LRRC4C: variants seen among roughly 807,000 people sequenced by gnomAD.
LRRC4C encodes the protein leucine-rich repeat-containing protein 4C.
Under a neutral mutation model 33.6 loss-of-function variants are expected in LRRC4C, and 5 were observed. The ratio of observed to expected loss-of-function variants is 0.15; its 90% CI spans 0.08 to 0.31. LRRC4C has a LOEUF of 0.31. Among genes scored for constraint, LRRC4C ranks in the 10% least tolerant of loss-of-function variants. The pLI is 1.00. For synonymous variants in LRRC4C, 329 were observed against 302.0 expected, an observed-to-expected ratio of 1.09 and a Z score of -0.93; for missense variants, 560 against 796.7, an observed-to-expected ratio of 0.70 and a Z score of 3.58.
chr11:41,361,929 A>G (rs1952369048), intron 1 of LRRC4C, among the ~76,000 whole-genome samples: 1 of 152,214 alleles, frequency 6.6e-6, no homozygotes, highest in African/African-American at 2.4e-5. Context: ...GCTTTCATTG[A>G]CAATTCATTC....
chr11:40,418,348 CAT>C (rs1229385436), intron 3 of LRRC4C, among the ~76,000 whole-genome samples: 2 of 151,990 alleles, frequency 1.3e-5, no homozygotes, highest in Admixed American at 6.6e-5. Context: ...ACCCAACAAA[CAT>C]ATGAAAAAAA....
intron 1 of LRRC4C, among the ~76,000 whole-genome samples, chr11:41,247,497 T>C (rs899330403): frequency 2.6e-5 from 4 of 152,218 alleles, no homozygotes; most frequent in Non-Finnish European, 5.9e-5. Flanking sequence ...TAAGCAATGA[T>C]GTCTTTTTAC....
chr11:40,311,419 ATGAG>A (rs1179279130), intron 4 of LRRC4C, among the ~76,000 whole-genome samples: 5 of 152,206 alleles, frequency 3.3e-5, no homozygotes, highest in African/African-American at 1.2e-4. Flanking sequence ...CGTGTACTTA[ATGAG>A]TGAGTGCTCA....
intron 2 of LRRC4C, among the ~76,000 whole-genome samples, chr11:40,680,640 A>T (rs1343682619): frequency 6.6e-6 from 1 of 152,148 alleles, no homozygotes; most frequent in Non-Finnish European, 1.5e-5. Context: ...TGCCATTCAC[A>T]TAAGGTATGA....
At position 40,156,613 on chromosome 11, in the gene LRRC4C, CACAAAAA is replaced by C. The variant is rs1270683669; in HGVS notation, c.-95-15767_-95-15761del. Among the ~76,000 whole-genome samples, 4 of 150,876 alleles carry C rather than the reference CACAAAAA, an allele frequency of 2.7e-5. No homozygotes were observed. The South Asian group carries it at 6.3e-4, about 24-fold the overall frequency. On this transcript the variant is annotated intron_variant, in intron 5 of 6. Transcript: ENST00000528697. ...TCTTTTACAATGGCTGCAAAAAAACCACAAAAAACAAAAAACAGAAACAAAAACAAAA... is the reference window on the plus strand; with the variant it reads ...TCTTTTACAATGGCTGCAAAAAAACCACAAAAAACAGAAACAAAAACAAAA...
chr11:41,320,789 C>T (rs1950934654), intron 1 of LRRC4C, among the ~76,000 whole-genome samples: 1 of 152,134 alleles, frequency 6.6e-6, no homozygotes, highest in African/African-American at 2.4e-5. Flanking sequence ...CAGGAGCTCA[C>T]ACTCATAGTG....
At chr11:40,475,594 TATAATA>T (rs907284840) in intron 3 of LRRC4C, among the ~76,000 whole-genome samples, 1 of 151,928 alleles carries the variant, frequency 6.6e-6, no homozygotes, top group East Asian at 1.9e-4. Flanking sequence ...GAACTTTAAG[TATAATA>T]ATAATAATAA....
chr11:40,993,894 C>A (rs769933487), intron 1 of LRRC4C, among the ~76,000 whole-genome samples: 18 of 152,054 alleles, frequency 1.2e-4, no homozygotes, highest in Non-Finnish European at 2.5e-4. Context: ...AGTCTTTGCA[C>A]AAGCTGGGGA....
chr11:40,777,595 C>G (rs1383538631), intron 2 of LRRC4C, among the ~76,000 whole-genome samples: 2 of 147,762 alleles, frequency 1.4e-5, no homozygotes, highest in Non-Finnish European at 3.0e-5. Context: ...CATGGTAAAT[C>G]TTTCTATAAT....
intron 1 of LRRC4C, among the ~76,000 whole-genome samples, chr11:41,318,603 G>C (rs1237447753): frequency 6.6e-6 from 1 of 152,114 alleles, no homozygotes; most frequent in Non-Finnish European, 1.5e-5. Context: ...CTTTTGCTCT[G>C]AGGTGCATAT....
At chr11:41,120,712 G>C (rs1358795474) in intron 1 of LRRC4C, among the ~76,000 whole-genome samples, 1 of 152,002 alleles carries the variant, frequency 6.6e-6, no homozygotes, top group African/African-American at 2.4e-5. Context: ...TCCTTCTCTT[G>C]CTAAGTGATA....
At chr11:40,309,681 A>AT (rs1269858293) in intron 4 of LRRC4C, among the ~76,000 whole-genome samples, 3 of 151,854 alleles carry the variant, frequency 2.0e-5, no homozygotes, top group Non-Finnish European at 4.4e-5. Flanking sequence ...AATTTTTTGT[A>AT]TTTTTTGTAG....
intron 1 of LRRC4C, among the ~76,000 whole-genome samples, chr11:41,110,115 C>G (rs1941743886): frequency 1.3e-5 from 2 of 152,124 alleles, no homozygotes; most frequent in South Asian, 4.1e-4. Flanking sequence ...CTCTGCTTAT[C>G]TATATTTAAG....
intron 1 of LRRC4C, among the ~76,000 whole-genome samples, chr11:40,998,835 C>A (rs934213482): frequency 6.6e-6 from 1 of 152,084 alleles, no homozygotes; most frequent in African/African-American, 2.4e-5. Flanking sequence ...GATTTTTATA[C>A]TTCTTTTGGA....
chr11:40,418,251 T>TA (rs1390889534), intron 3 of LRRC4C, among the ~76,000 whole-genome samples: 3 of 151,818 alleles, frequency 2.0e-5, no homozygotes, highest in Non-Finnish European at 2.9e-5. Flanking sequence ...ACATGGAACT[T>TA]AAAAAAATTA....
At chr11:40,298,315 C>G (rs960873676) in intron 4 of LRRC4C, among the ~76,000 whole-genome samples, 2 of 151,042 alleles carry the variant, frequency 1.3e-5, no homozygotes, top group Non-Finnish European at 2.9e-5. Flanking sequence ...TCTCATGACT[C>G]TAAAGGCTGG....
At chr11:40,517,730 C>T (rs965894482) in intron 3 of LRRC4C, among the ~76,000 whole-genome samples, 4 of 137,400 alleles carry the variant, frequency 2.9e-5, no homozygotes, top group Non-Finnish European at 4.8e-5. Context: ...TGACTTTCTT[C>T]ACAGAATTGG....
In LRRC4C at chr11:41,311,338, A is replaced by G. The variant is rs138474116; in HGVS notation, c.-496+148093T>C. Among the ~76,000 whole-genome samples the G allele has an allele frequency of 6.5e-3, 988 of 152,320 alleles. 23 individuals are homozygous for G. Among genetic ancestry groups the G allele is most frequent in the African/African-American group, 0.023 (954 of 41,566 alleles). ...ATTTTCTATATGTCACACTCGTAGC[A>G]GAAACCAAAACAAAAAACACCATTT... On this transcript the variant is annotated intron_variant, in intron 1 of 6. Transcript: ENST00000528697.
intron 6 of LRRC4C, among the ~76,000 whole-genome samples, chr11:40,125,981 G>T (rs557951218): frequency 1.2e-4 from 18 of 152,170 alleles, no homozygotes; most frequent in Admixed American, 7.2e-4. Flanking sequence ...TCAGGGAAAA[G>T]AATTTTTTTT....
Sources: gnomAD v4.1 joint callset for allele counts (sites outside exome capture counted in the v4.1 genomes callset) on GRCh38, gnomAD v4.1.1 for gene constraint, MANE v1.5 for transcripts, NCBI Gene and HGNC (gene_info 2026-07-23, HGNC 2026-07-21) for gene names.